Variants in SLCO2B1 observed in about 807,000 individuals in gnomAD.
SLCO2B1 encodes solute carrier organic anion transporter family member 2B1, also known as OATP-RP2.
SLCO2B1 carries 41 observed loss-of-function variants against 67.3 expected under a neutral mutation model. That is an observed-to-expected ratio of 0.61 (90% confidence interval 0.47 to 0.79). SLCO2B1 has a LOEUF of 0.79. Ranked by LOEUF, SLCO2B1 falls within the 30% of genes least tolerant of loss-of-function variation. The pLI, the probability that SLCO2B1 is intolerant of heterozygous loss-of-function variation, is 0.00. For synonymous variants in SLCO2B1, 379 were observed against 381.4 expected, an observed-to-expected ratio of 0.99 and a Z score of 0.07; for missense variants, 837 against 920.1, an observed-to-expected ratio of 0.91 and a Z score of 1.17.
intron 5 of SLCO2B1, 127 bp downstream of exon 5, chr11:75,169,533 A>G (rs1226114674): frequency 2.5e-6 from 3 of 1,199,360 alleles, no homozygotes; most frequent in African/African-American, 1.5e-5. Flanking sequence ...GTAAAGGTCC[A>G]GGGAAGCCCT....
intron 1 of SLCO2B1, among the ~76,000 whole-genome samples, chr11:75,159,199 T>A (rs1394328590): frequency 6.6e-6 from 1 of 152,236 alleles, no homozygotes; most frequent in Non-Finnish European, 1.5e-5. Context: ...ACGATGTGCC[T>A]GCATGAGTGA....
At chr11:75,155,702 C>T (rs1030349683) in intron 1 of SLCO2B1, among the ~76,000 whole-genome samples, 1 of 152,178 alleles carries the variant, frequency 6.6e-6, no homozygotes, top group Non-Finnish European at 1.5e-5. Flanking sequence ...AGGTGATCCG[C>T]CTGCTTCAGC....
intron 10 of SLCO2B1, among the ~76,000 whole-genome samples, chr11:75,199,115 A>C (rs1945144558): frequency 6.6e-6 from 1 of 152,042 alleles, no homozygotes; most frequent in Non-Finnish European, 1.5e-5. Flanking sequence ...CCTCCATTGT[A>C]TCTCCAGCCT....
intron 7 of SLCO2B1, among the ~76,000 whole-genome samples, chr11:75,187,830 G>C (rs978106931): frequency 6.6e-6 from 1 of 152,178 alleles, no homozygotes; most frequent in Admixed American, 6.5e-5. Context: ...TGATGATTAT[G>C]GTGGTGATTT....
intron 1 of SLCO2B1, among the ~76,000 whole-genome samples, chr11:75,152,698 C>T (rs948435963): frequency 3.9e-5 from 6 of 152,242 alleles, no homozygotes; most frequent in African/African-American, 1.4e-4. Context: ...TTTTCTGACC[C>T]CTGCAGGGCC....
In SLCO2B1 at chr11:75,153,660, C is replaced by T. The variant is rs750158269; in HGVS notation, c.16+2263C>T. ...CTGCAAATGCTTAGAAAAGTGACTA[C>T]ACCTGCATGTCTGTGGAGCTAGTGA... is the stretch of plus-strand genomic sequence containing the variant. On this transcript the variant is annotated intron_variant, in intron 1 of 13. Coordinates refer to ENST00000289575, the MANE Select transcript of SLCO2B1 (RefSeq NM_007256.5). 3.9e-4 allele frequency among the ~76,000 whole-genome samples: 59 copies of T among 152,222 alleles called. 1 individual carries two copies. Among genetic ancestry groups the T allele is most frequent in the Admixed American group, 1.0e-3 (16 of 15,284 alleles).
rs1415488357 is a variant in SLCO2B1 at position 75,162,691 on chromosome 11, A to C, written c.53A>C (p.Glu18Ala). The C allele has an allele frequency of 6.2e-7, 1 of 1,613,700 alleles. No individual in the cohort carries two copies. The highest frequency in any genetic ancestry group is 1.3e-5 in the African/African-American group (1 of 74,866). Residue 18 changes from glutamate (E) to alanine (A), a missense_variant, in exon 2 of 14, where the codon GAA (glutamate) becomes GCA (alanine). Physicochemically the swap from Glu to Ala is moderately radical, Grantham distance 107 (BLOSUM62 -1). Coordinates refer to ENST00000289575, the MANE Select transcript of SLCO2B1 (RefSeq NM_007256.5). Reference sequence around the variant, plus strand: ...GAGGTACCCCAGGTACCAGACAAGGAAACCAAAGCCACAATGGGCACAGAA... The same window carrying C: ...GAGGTACCCCAGGTACCAGACAAGGCAACCAAAGCCACAATGGGCACAGAA... Reference protein sequence around the residue: ...AGEVPQVPDKETKATMGTENT... With the variant: ...AGEVPQVPDKATKATMGTENT...
At chr11:75,169,466 G>C (rs1239388627) in intron 5 of SLCO2B1, 60 bp downstream of exon 5, 4 of 1,452,480 alleles carry the variant, frequency 2.8e-6, no homozygotes, top group East Asian at 4.6e-5. Context: ...CTAGGAGGAA[G>C]AGAGACCCAG....
At chr11:75,155,493 T>G (rs1949736530) in intron 1 of SLCO2B1, among the ~76,000 whole-genome samples, 1 of 152,206 alleles carries the variant, frequency 6.6e-6, no homozygotes, top group South Asian at 2.1e-4. Flanking sequence ...GTTTCACTCT[T>G]GTTGCCTAGG....
chr11:75,188,590 A>T (rs530666138), intron 8 of SLCO2B1, among the ~76,000 whole-genome samples: 2 of 152,240 alleles, frequency 1.3e-5, no homozygotes, highest in Admixed American at 6.5e-5. Flanking sequence ...GCTGGGCATG[A>T]TGGTGGGCAC....
chr11:75,174,055 G>C (rs1949996566), intron 7 of SLCO2B1, among the ~76,000 whole-genome samples: 1 of 152,132 alleles, frequency 6.6e-6, no homozygotes, highest in Non-Finnish European at 1.5e-5. Flanking sequence ...GCCCGCCTCA[G>C]CCTCCCAAAG....
In SLCO2B1 at chr11:75,188,125, G is replaced by C; in HGVS notation, c.973-11G>C. Reference sequence around the variant, plus strand: ...TCCAGCGGACTGTCCTTGGTTTTGTGTCTCCTTCAGGGCAAGGACTCTCCC... The same window carrying C: ...TCCAGCGGACTGTCCTTGGTTTTGTCTCTCCTTCAGGGCAAGGACTCTCCC... On this transcript the variant is annotated splice_polypyrimidine_tract_variant and intron_variant, in intron 7 of 13. Transcript: ENST00000289575. 2 of 1,605,382 alleles carry C rather than the reference G, an allele frequency of 1.2e-6. No individual in the cohort carries two copies. Among genetic ancestry groups the C allele is most frequent in the South Asian group, 2.2e-5 (2 of 90,498 alleles).
chr11:75,164,209 C>G (rs538749280), intron 3 of SLCO2B1, 109 bp downstream of exon 3: 2 of 1,228,484 alleles, frequency 1.6e-6, no homozygotes, highest in African/African-American at 1.5e-5. Context: ...CCTCCCAGTG[C>G]CCTCAGGCAA....
At chr11:75,163,621 T>G (rs1949850258) in intron 2 of SLCO2B1, among the ~76,000 whole-genome samples, 1 of 152,128 alleles carries the variant, frequency 6.6e-6, no homozygotes, top group South Asian at 2.1e-4. Flanking sequence ...CTCGGTCTTG[T>G]GGCTCTTCAA....
chr11:75,203,256 G>A (rs746257165), intron 12 of SLCO2B1, 51 bp from the exon 13 acceptor site: 2 of 1,596,834 alleles, frequency 1.3e-6, no homozygotes, highest in Admixed American at 1.7e-5. Flanking sequence ...CAGGGAGGGG[G>A]CAGGGTAGGA....
intron 7 of SLCO2B1, among the ~76,000 whole-genome samples, chr11:75,177,921 C>G (rs1436851210): frequency 1.3e-5 from 2 of 151,896 alleles, no homozygotes; most frequent in Non-Finnish European, 2.9e-5. Flanking sequence ...ATGGTGAAAC[C>G]CGTCTCTACT....
At chr11:75,151,872 C>T (rs1023591515) in intron 1 of SLCO2B1, 4 of 163,444 alleles carry the variant, frequency 2.4e-5, no homozygotes, top group Middle Eastern at 2.8e-3. Context: ...GAGGTCAAAC[C>T]GGGAGAGAGG....
chr11:75,179,074 G>C (rs564984316), intron 7 of SLCO2B1, among the ~76,000 whole-genome samples: 1 of 152,054 alleles, frequency 6.6e-6, no homozygotes, highest in Admixed American at 6.5e-5. Context: ...TGCAATAAGC[G>C]TGAGAGTGCA....
At chr11:75,156,886 G>C (rs1949753339) in intron 1 of SLCO2B1, among the ~76,000 whole-genome samples, 1 of 152,218 alleles carries the variant, frequency 6.6e-6, no homozygotes, top group African/African-American at 2.4e-5. Context: ...GAGTGTAGCA[G>C]TGAGGACAAC....
Sources: gnomAD v4.1 joint callset for allele counts (sites outside exome capture counted in the v4.1 genomes callset) on GRCh38, gnomAD v4.1.1 for gene constraint, MANE v1.5 for transcripts, NCBI Gene and HGNC (gene_info 2026-07-23, HGNC 2026-07-21) for gene names.